The following KCNJ6 variants were observed in gnomAD, a reference collection of about 807,000 sequenced individuals.
KCNJ6 encodes the protein potassium inwardly rectifying channel subfamily J member 6, also known as G protein-activated inward rectifier potassium channel 2.
In KCNJ6, 9 loss-of-function variants were observed where a neutral mutation model predicts 34.2. That is an observed-to-expected ratio of 0.26 (90% confidence interval 0.16 to 0.46). KCNJ6 has a LOEUF of 0.46. KCNJ6 is among the 20% of genes least tolerant of loss of function. The pLI is 1.00. For missense variants in KCNJ6, 236 were observed against 531.3 expected (o/e 0.44, Z 5.46); for synonymous variants, 196 against 207.1 (o/e 0.95, Z 0.46).
At chr21:37,752,877 T>C (rs1276912735) in intron 2 of KCNJ6, among the ~76,000 whole-genome samples, 3 of 152,164 alleles carry the variant, frequency 2.0e-5, no homozygotes, top group African/African-American at 7.2e-5. Flanking sequence ...TTCTGTAAAC[T>C]GTAGGCTCTG....
chr21:37,626,781 G>A (rs7278061), intron 3 of KCNJ6, among the ~76,000 whole-genome samples: 13,084 of 152,224 alleles, frequency 0.086, 713 homozygotes, highest in South Asian at 0.19. Context: ...TTAGAGGCCC[G>A]TGAAAATGTT....
chr21:37,871,374 G>A (rs139404191), intron 1 of KCNJ6, among the ~76,000 whole-genome samples: 179 of 152,284 alleles, frequency 1.2e-3, no homozygotes, highest in African/African-American at 4.1e-3. Flanking sequence ...CCTGGACTTC[G>A]TGTTCCAGGT....
At chr21:37,893,205 C>T (rs138437790) in intron 1 of KCNJ6, among the ~76,000 whole-genome samples, 78 of 150,808 alleles carry the variant, frequency 5.2e-4, no homozygotes, top group African/African-American at 1.8e-3. Flanking sequence ...TTGAATGTTC[C>T]CCTATTTTTT....
intron 1 of KCNJ6, among the ~76,000 whole-genome samples, chr21:37,911,944 T>C (rs1286419612): frequency 2.0e-5 from 3 of 152,306 alleles, no homozygotes; most frequent in Middle Eastern, 3.4e-3. Context: ...CTAATTTTTT[T>C]CCCTATAAAG....
At chr21:37,760,048 C>G (rs911044833) in intron 2 of KCNJ6, among the ~76,000 whole-genome samples, 1 of 152,202 alleles carries the variant, frequency 6.6e-6, no homozygotes, top group African/African-American at 2.4e-5. Context: ...AACTCGCCAG[C>G]CACGGCTACG....
chr21:37,894,039 C>A (rs1234465050), intron 1 of KCNJ6, among the ~76,000 whole-genome samples: 1 of 152,224 alleles, frequency 6.6e-6, no homozygotes, highest in Non-Finnish European at 1.5e-5. Flanking sequence ...TGTCACCCTC[C>A]ATCACTTATA....
chr21:37,812,044 T>C (rs747154522), intron 2 of KCNJ6, among the ~76,000 whole-genome samples: 1 of 152,236 alleles, frequency 6.6e-6, no homozygotes, highest in Non-Finnish European at 1.5e-5. Flanking sequence ...GTCTCAGACA[T>C]GGAATAGCTA....
At chr21:37,629,413 T>C (rs2054324486) in intron 3 of KCNJ6, among the ~76,000 whole-genome samples, 1 of 152,104 alleles carries the variant, frequency 6.6e-6, no homozygotes, top group South Asian at 2.1e-4. Context: ...CACCCCCACA[T>C]TCATATGCTG....
intron 2 of KCNJ6, among the ~76,000 whole-genome samples, chr21:37,837,243 T>A (rs1339753632): frequency 6.6e-6 from 1 of 152,198 alleles, no homozygotes; most frequent in Admixed American, 6.5e-5. Context: ...TTCAATAATG[T>A]GACGTAAAAT....
intron 2 of KCNJ6, among the ~76,000 whole-genome samples, chr21:37,756,629 A>ACTCCCTCACAGCGTGATGATTCCAGCCTG (rs1362095564): frequency 1.9e-5 from 1 of 51,610 alleles, no homozygotes; most frequent in Admixed American, 1.9e-4. Flanking sequence ...ATTCCAGCCC[A>ACTCCCTCACAGCGTGATGATTCCAGCCTG]GAGTGAGCAC....
chr21:37,864,499 A>T (rs1028702284), intron 1 of KCNJ6, among the ~76,000 whole-genome samples: 2 of 152,222 alleles, frequency 1.3e-5, no homozygotes, highest in African/African-American at 4.8e-5. Context: ...ATACACCGCA[A>T]AAACAAGTCA....
At chr21:37,803,527 C>T (rs2055279584) in intron 2 of KCNJ6, among the ~76,000 whole-genome samples, 2 of 152,140 alleles carry the variant, frequency 1.3e-5, no homozygotes. Context: ...TTAAAAGTCT[C>T]TTCTTAGGAC....
At chr21:37,738,561 T>A (rs1367303163) in intron 2 of KCNJ6, among the ~76,000 whole-genome samples, 2 of 152,222 alleles carry the variant, frequency 1.3e-5, no homozygotes. Context: ...GAACTCAACA[T>A]TTGCGAATGA....
chr21:37,657,508 T>C (rs923309615), intron 3 of KCNJ6, among the ~76,000 whole-genome samples: 3 of 151,934 alleles, frequency 2.0e-5, no homozygotes, highest in Admixed American at 6.6e-5. Context: ...GCCCAGAAAA[T>C]AGTTCCTGCT....
At chr21:37,853,835 C>CATATATATGTGTGTATATATAT (rs1399366665) in intron 1 of KCNJ6, among the ~76,000 whole-genome samples, 463 of 43,202 alleles carry the variant, frequency 0.011, 2 homozygotes, top group Middle Eastern at 0.011. Flanking sequence ...TTAAGAGATA[C>CATATATATGTGTGTATATATAT]ATATATATAT....
intron 3 of KCNJ6, among the ~76,000 whole-genome samples, chr21:37,655,240 AGAGAGAGAGAGAGAGAGAG>A (rs2054457321): frequency 1.1e-4 from 1 of 8,874 alleles, no homozygotes; most frequent in Non-Finnish European, 2.5e-4. Context: ...AGAGAGAGAG[AGAGAGAGAGAGAGAGAGAG>A]AGAGAGAGAG....
chr21:37,716,010 C>T (rs1039232832), intron 2 of KCNJ6, among the ~76,000 whole-genome samples: 8 of 152,226 alleles, frequency 5.3e-5, no homozygotes, highest in African/African-American at 1.9e-4. Context: ...ACCCAACTCA[C>T]AGTGTTGTTA....
chr21:37,863,475 A>T (rs1017007583), intron 1 of KCNJ6, among the ~76,000 whole-genome samples: 50 of 152,212 alleles, frequency 3.3e-4, no homozygotes, highest in African/African-American at 1.2e-3. Context: ...TTTATGACTG[A>T]ATTTTTGAGA....
chr21:37,616,608 T>TATATATATATAC lies in KCNJ6; in HGVS notation c.*8550_*8551insGTATATATATAT, dbSNP rs1410739814. The TATATATATATAC allele has an allele frequency of 3.9e-5, 5 of 127,584 alleles. No individual in the cohort carries two copies. Among genetic ancestry groups the TATATATATATAC allele is most frequent in the South Asian group, 2.6e-4 (1 of 3,794 alleles). The allele number at this position is 127,584 out of a possible 1,614,324, so 7.9% of individuals were successfully genotyped here. On this transcript the variant is annotated 3_prime_UTR_variant, in exon 4 of 4. Transcript: ENST00000609713. ...AAATGTACATATATATATATATATA[T>TATATATATATAC]ATATATATGGTTAGACTCTGAACAT... is the stretch of plus-strand genomic sequence containing the variant.
Sources: gnomAD v4.1 joint callset for allele counts (sites outside exome capture counted in the v4.1 genomes callset) on GRCh38, gnomAD v4.1.1 for gene constraint, MANE v1.5 for transcripts, NCBI Gene and HGNC (gene_info 2026-07-23, HGNC 2026-07-21) for gene names.